P2RY6: variants seen among roughly 807,000 people sequenced by gnomAD.
The protein encoded by P2RY6 is P2Y purinoceptor 6.
Under a neutral mutation model 16.3 loss-of-function variants are expected in P2RY6, and 19 were observed. The observed-to-expected ratio is 1.16, with a 90% CI of 0.81 to 1.71. The LOEUF is 1.71. P2RY6 is among the 40% of genes most tolerant of loss of function. The pLI, the probability that P2RY6 is intolerant of heterozygous loss-of-function variation, is 0.00. For synonymous variants in P2RY6, 184 were observed against 201.5 expected, an observed-to-expected ratio of 0.91 and a Z score of 0.74; for missense variants, 389 against 455.5, an observed-to-expected ratio of 0.85 and a Z score of 1.33.
upstream of P2RY6, among the ~76,000 whole-genome samples, chr11:73,268,043 G>A (rs142026915): frequency 2.4e-3 from 363 of 152,370 alleles, 2 homozygotes; most frequent in African/African-American, 8.3e-3. Flanking sequence ...TGGTGCCTGC[G>A]TGCCTGCCGT....
intron 1 of P2RY6, chr11:73,292,876 A>G (rs1864316396): frequency 1.0e-6 from 1 of 984,030 alleles, no homozygotes; most frequent in African/African-American, 1.8e-5. Context: ...CTTTGCCCCA[A>G]CACACTTGGG....
At position 73,296,605 on chromosome 11, in the gene P2RY6, G is replaced by C. The variant is rs1380689888; in HGVS notation, c.87G>C (p.Leu29=). ...VYRENFKQLL[L]PPVYSAVLAA... Reference sequence around the variant, plus strand: ...GCGAGAACTTCAAGCAACTGCTGCTGCCACCTGTGTATTCGGCGGTGCTGG... The same window carrying C: ...GCGAGAACTTCAAGCAACTGCTGCTCCCACCTGTGTATTCGGCGGTGCTGG... The change falls in exon 3 of 3, where the codon CTG becomes CTC. Residue 29 remains leucine, a synonymous_variant. Coordinates refer to ENST00000540124, the MANE Select transcript of P2RY6 (RefSeq NM_001277204.2). The C allele has an allele frequency of 1.2e-6, 2 of 1,614,236 alleles. No homozygotes were observed. The highest frequency in any genetic ancestry group is 1.7e-5 in the Admixed American group (1 of 60,036).
At position 73,297,680 on chromosome 11, in the gene P2RY6, C is replaced by T; in HGVS notation, c.*175C>T. The T allele has an allele frequency of 1.6e-6, 1 of 626,558 alleles. No homozygotes were observed. The highest frequency in any genetic ancestry group is 4.4e-4 in the Middle Eastern group (1 of 2,284). The allele number at this position is 626,558 out of a possible 1,614,324, so 38.8% of individuals were successfully genotyped here. Reference sequence around the variant, plus strand: ...CTATTTCTTCAGCCCCTTCTCTGGCCCAGACCCTGTGGGCATGGAGATGGA... The same window carrying T: ...CTATTTCTTCAGCCCCTTCTCTGGCTCAGACCCTGTGGGCATGGAGATGGA... On this transcript the variant is annotated 3_prime_UTR_variant, in exon 3 of 3. Transcript: ENST00000540124.
chr11:73,273,257 G>A (rs547102946), intron 1 of P2RY6, among the ~76,000 whole-genome samples: 12 of 151,994 alleles, frequency 7.9e-5, no homozygotes, highest in South Asian at 2.1e-4. Context: ...GTTCAGCCCC[G>A]GCCTCTTGAA....
chr11:73,277,802 G>A (rs1236928799), intron 1 of P2RY6, among the ~76,000 whole-genome samples: 2 of 152,194 alleles, frequency 1.3e-5, no homozygotes, highest in Admixed American at 1.3e-4. Flanking sequence ...TTTGGCTCCA[G>A]AAGGGGACAC....
rs1322751107 is a variant in P2RY6, at chr11:73,297,203, G to T, written c.685G>T (p.Val229Leu). Residue 229 changes from valine to leucine, a missense_variant, in exon 3 of 3, where the codon GTG becomes TTG. Transcript: ENST00000540124. ...CCGCCAGGATGGCCCGGCAGAGCCT[G>T]TGGCCCAGGAGCGGCGTGGCAAGGC... ...LCRQDGPAEP[V>L]AQERRGKAAR... 1.2e-6 allele frequency: 2 copies of T among 1,603,650 alleles called. No individual in the cohort carries two copies. Among genetic ancestry groups the T allele is most frequent in the African/African-American group, 1.3e-5 (1 of 74,948 alleles).
chr11:73,292,210 G>A (rs1030672068), intron 1 of P2RY6, among the ~76,000 whole-genome samples: 5 of 152,256 alleles, frequency 3.3e-5, no homozygotes, highest in South Asian at 2.1e-4. Flanking sequence ...AGGGGCAGTC[G>A]CTGTGAAATG....
At chr11:73,276,417 G>A (rs552602098) in intron 1 of P2RY6, among the ~76,000 whole-genome samples, 139 of 152,224 alleles carry the variant, frequency 9.1e-4, no homozygotes, top group African/African-American at 3.3e-3. Flanking sequence ...CTACACAAAT[G>A]TTCACAACAG....
intron 1 of P2RY6, among the ~76,000 whole-genome samples, chr11:73,285,106 TG>T (rs1487215721): frequency 1.3e-5 from 2 of 152,226 alleles, no homozygotes; most frequent in Non-Finnish European, 2.9e-5. Flanking sequence ...GGTCTCGCTC[TG>T]TAGCCAAGGC....
intron 1 of P2RY6, among the ~76,000 whole-genome samples, chr11:73,289,883 T>A (rs1048581110): frequency 2.0e-5 from 3 of 152,202 alleles, no homozygotes; most frequent in African/African-American, 7.2e-5. Context: ...CCCACCAAAT[T>A]GCCCAGAACT....
At chr11:73,278,740 T>C (rs554222374) in intron 1 of P2RY6, among the ~76,000 whole-genome samples, 1 of 152,340 alleles carries the variant, frequency 6.6e-6, no homozygotes, top group Non-Finnish European at 1.5e-5. Flanking sequence ...TGTATGTATA[T>C]ATCACATTTT....
At chr11:73,281,297 A>G (rs1239517343) in intron 1 of P2RY6, among the ~76,000 whole-genome samples, 1 of 152,212 alleles carries the variant, frequency 6.6e-6, no homozygotes, top group African/African-American at 2.4e-5. Flanking sequence ...TCAGGGTGCT[A>G]GGTCAAGTCT....
At chr11:73,295,982 G>T (rs931491232) in intron 2 of P2RY6, among the ~76,000 whole-genome samples, 167 bp downstream of exon 2, 3 of 152,054 alleles carry the variant, frequency 2.0e-5, no homozygotes, top group Non-Finnish European at 4.4e-5. Context: ...CCACACCCCA[G>T]TGAGCCCCTG....
At chr11:73,275,375 C>G (rs1454320278) in intron 1 of P2RY6, among the ~76,000 whole-genome samples, 1 of 152,162 alleles carries the variant, frequency 6.6e-6, no homozygotes, top group Admixed American at 6.5e-5. Context: ...TGGGAACCAG[C>G]CTTTCAAATC....
At chr11:73,277,074 G>C (rs1327792459) in intron 1 of P2RY6, among the ~76,000 whole-genome samples, 1 of 151,876 alleles carries the variant, frequency 6.6e-6, no homozygotes, top group Non-Finnish European at 1.5e-5. Context: ...ATAAACCCAA[G>C]TTGGCCCACT....
chr11:73,274,174 C>T (rs1863434350), intron 1 of P2RY6, among the ~76,000 whole-genome samples: 1 of 152,162 alleles, frequency 6.6e-6, no homozygotes. Flanking sequence ...AGGGAAATGG[C>T]TCTCCCAGAG....
chr11:73,292,776 T>G, intron 1 of P2RY6: 1 of 985,234 alleles, frequency 1.0e-6, no homozygotes, highest in Non-Finnish European at 1.2e-6. Context: ...GAGACAGCCC[T>G]GCCAGGAAAC....
chr11:73,285,827 A>G (rs185354078), intron 1 of P2RY6, among the ~76,000 whole-genome samples: 83 of 152,326 alleles, frequency 5.4e-4, no homozygotes, highest in African/African-American at 1.9e-3. Context: ...CATGTGCCTG[A>G]AATTGCCTGG....
At chr11:73,289,621 C>T (rs79820225) in intron 1 of P2RY6, among the ~76,000 whole-genome samples, 5,654 of 152,330 alleles carry the variant, frequency 0.037, 347 homozygotes, top group African/African-American at 0.13. Context: ...GGCTGTGTGA[C>T]GGAACGGGGC....
Sources: allele counts gnomAD v4.1 joint callset (sites outside exome capture counted in the v4.1 genomes callset), GRCh38; gene constraint gnomAD v4.1.1; transcripts MANE v1.5; gene names NCBI Gene and HGNC (gene_info 2026-07-23, HGNC 2026-07-21).